Variants in CHRDL2 observed in about 807,000 individuals in gnomAD.
The protein encoded by CHRDL2 is chordin like 2.
CHRDL2 carries 41 observed loss-of-function variants against 54.3 expected under a neutral mutation model. The ratio of observed to expected loss-of-function variants is 0.76; its 90% CI spans 0.59 to 0.98. The LOEUF is 0.98. Ranked by LOEUF, CHRDL2 falls within the 50% of genes least tolerant of loss-of-function variation. CHRDL2 has a pLI of 0.00. For missense variants in CHRDL2, 518 were observed against 562.4 expected, an observed-to-expected ratio of 0.92 and a Z score of 0.80; for synonymous variants, 220 against 224.3, an observed-to-expected ratio of 0.98 and a Z score of 0.17.
intron 1 of CHRDL2, among the ~76,000 whole-genome samples, chr11:74,726,767 A>G (rs376863910): frequency 3.9e-5 from 6 of 152,196 alleles, no homozygotes; most frequent in African/African-American, 1.4e-4. Context: ...CTGGTGGGAG[A>G]GGAGAGGTGC....
At chr11:74,716,115 A>C (rs550730050) in intron 2 of CHRDL2, among the ~76,000 whole-genome samples, 3 of 152,208 alleles carry the variant, frequency 2.0e-5, no homozygotes, top group African/African-American at 7.2e-5. Context: ...ATGAGAAGGA[A>C]CTGTTCGTGA....
chr11:74,704,841 A>G, intron 6 of CHRDL2, 187 bp from the exon 7 acceptor site: 1 of 625,710 alleles, frequency 1.6e-6, no homozygotes, highest in Non-Finnish European at 2.7e-6. Flanking sequence ...AGACAGTTCG[A>G]TCTTTGAAAA....
chr11:74,704,961 T>G (rs888433140), intron 6 of CHRDL2, among the ~76,000 whole-genome samples: 3 of 152,192 alleles, frequency 2.0e-5, no homozygotes, highest in Admixed American at 1.3e-4. Flanking sequence ...GAGGTCTTGA[T>G]CTGACAGACG....
In CHRDL2 at chr11:74,731,097, AAG is replaced by A. The variant is rs1449009884; in HGVS notation, c.-211_-210del. On this transcript the variant is annotated 5_prime_UTR_variant, in exon 1 of 11. Coordinates refer to ENST00000376332, the MANE Select transcript of CHRDL2 (RefSeq NM_001278473.3). This position sits in a 1 kb window ranked among gnomAD's most constrained non-coding sequence, Gnocchi z 4.4. ...AAGGTGGGAAGAAGAGAAAGGTGGA[AAG>A]AGAACGCGGGGAAAGGAGGGAGAGA... 1 of 574,256 alleles carries A rather than the reference AAG, an allele frequency of 1.7e-6. No individual in the cohort carries two copies. The highest frequency in any genetic ancestry group is 1.9e-5 in the African/African-American group (1 of 52,776). 35.6% of individuals were successfully genotyped at this position (574,256 alleles called of 1,614,324 possible). A position where few individuals can be genotyped will look rare whatever the true frequency, so the allele number is the denominator to read the frequency against.
chr11:74,730,304 G>A (rs2034631938), intron 1 of CHRDL2, among the ~76,000 whole-genome samples: 1 of 152,178 alleles, frequency 6.6e-6, no homozygotes, highest in Non-Finnish European at 1.5e-5. Flanking sequence ...GTTTTAGCAA[G>A]TTCCTCCTTG....
At chr11:74,715,635 A>T (rs1037373014) in intron 2 of CHRDL2, among the ~76,000 whole-genome samples, 2 of 151,152 alleles carry the variant, frequency 1.3e-5, no homozygotes, top group African/African-American at 4.9e-5. Flanking sequence ...GAAAAAAAAA[A>T]GTAAGCAAGT....
chr11:74,729,737 T>C (rs374252959), intron 1 of CHRDL2, among the ~76,000 whole-genome samples: 2 of 152,180 alleles, frequency 1.3e-5, no homozygotes, highest in Admixed American at 1.3e-4. Context: ...GGCTGTGCCA[T>C]GTATGTCCTG....
chr11:74,711,934 T>C (rs878907074), intron 3 of CHRDL2, among the ~76,000 whole-genome samples: 3 of 152,004 alleles, frequency 2.0e-5, no homozygotes, highest in Non-Finnish European at 2.9e-5. Flanking sequence ...CTCAGCCTCC[T>C]GAGTAGCTGG....
At chr11:74,705,409 A>T (rs146960135) in intron 6 of CHRDL2, among the ~76,000 whole-genome samples, 1 of 152,264 alleles carries the variant, frequency 6.6e-6, no homozygotes, top group East Asian at 1.9e-4. Flanking sequence ...CTTCTTCTAG[A>T]GCCCATTCCT....
chr11:74,728,991 C>T (rs937433404), intron 1 of CHRDL2, among the ~76,000 whole-genome samples: 8 of 152,054 alleles, frequency 5.3e-5, no homozygotes, highest in Non-Finnish European at 8.8e-5. Flanking sequence ...GAGGCACAGA[C>T]GAGGGAGATC....
Position 74,731,397 on chromosome 11 carries a change from G to A in CHRDL2, c.-509C>T, listed in dbSNP as rs1338237136. 6.6e-6 allele frequency: 1 copy of A among 150,586 alleles called. No homozygotes were observed. The highest frequency in any genetic ancestry group is 1.5e-5 in the Non-Finnish European group (1 of 67,332). 9.3% of individuals were successfully genotyped at this position (150,586 alleles called of 1,614,324 possible). A position where few individuals can be genotyped will look rare whatever the true frequency, so the allele number is the denominator to read the frequency against. On this transcript the variant is annotated 5_prime_UTR_variant, in exon 1 of 11. Coordinates refer to ENST00000376332, the MANE Select transcript of CHRDL2 (RefSeq NM_001278473.3). This position sits in a 1 kb window ranked among gnomAD's most constrained non-coding sequence, Gnocchi z 4.4. ...GGCGGCGCGGCGGCCGCGGAGGGAG[G>A]CTGAGCGCGGGCCGGCTGTGCTCGC...
chr11:74,728,845 G>A (rs1281235423), intron 1 of CHRDL2, among the ~76,000 whole-genome samples: 1 of 152,188 alleles, frequency 6.6e-6, no homozygotes, highest in East Asian at 1.9e-4. Flanking sequence ...ATTCTCCAAT[G>A]AGTGCCAGTC....
chr11:74,724,433 G>A (rs1321094155), intron 1 of CHRDL2, among the ~76,000 whole-genome samples: 1 of 152,232 alleles, frequency 6.6e-6, no homozygotes, highest in Non-Finnish European at 1.5e-5. Context: ...ATGTTTACCA[G>A]ACAGATTCCA....
At chr11:74,702,026 G>A (rs954620579) in intron 9 of CHRDL2, among the ~76,000 whole-genome samples, 15 of 152,120 alleles carry the variant, frequency 9.9e-5, no homozygotes, top group African/African-American at 3.1e-4. Context: ...GGCTGATGCC[G>A]GAGGATTGCT....
chr11:74,720,356 G>A (rs1029836005), intron 1 of CHRDL2: 1 of 154,190 alleles, frequency 6.5e-6, no homozygotes, highest in African/African-American at 2.4e-5. Context: ...CCACAATTAT[G>A]AGAAGGCTCA....
chr11:74,700,584 G>GT (rs952332385), intron 9 of CHRDL2, among the ~76,000 whole-genome samples: 10 of 151,612 alleles, frequency 6.6e-5, no homozygotes, highest in Admixed American at 5.9e-4. Context: ...GAGTAAACAT[G>GT]TGGCCAAAAC....
chr11:74,725,232 C>A (rs1023590128), intron 1 of CHRDL2, among the ~76,000 whole-genome samples: 1 of 152,036 alleles, frequency 6.6e-6, no homozygotes, highest in South Asian at 2.1e-4. Context: ...ACCTCGTGAT[C>A]CACCCGCCAG....
chr11:74,708,700 C>G (rs573377604), intron 4 of CHRDL2, among the ~76,000 whole-genome samples: 52 of 152,200 alleles, frequency 3.4e-4, no homozygotes, highest in Non-Finnish European at 2.9e-5. Flanking sequence ...AATGAGGAGC[C>G]GGAGCGGGGC....
At chr11:74,710,595 T>C (rs763303888) in intron 4 of CHRDL2, among the ~76,000 whole-genome samples, 78 of 152,032 alleles carry the variant, frequency 5.1e-4, no homozygotes, top group Non-Finnish European at 1.0e-3. Context: ...GAAAAACATA[T>C]GTTTCCTCCC....
Sources: gnomAD v4.1 joint callset for allele counts (sites outside exome capture counted in the v4.1 genomes callset) on GRCh38, gnomAD v4.1.1 for gene constraint, Gnocchi (gnomAD v3.1) non-coding constraint, MANE v1.5 for transcripts, NCBI Gene and HGNC (gene_info 2026-07-23, HGNC 2026-07-21) for gene names.